Variants in ZNF483 observed in about 807,000 individuals in gnomAD.
ZNF483 encodes zinc finger protein HIT-10.
A neutral mutation model predicts 28.6 loss-of-function variants in ZNF483; 9 were observed. The ratio of observed to expected loss-of-function variants is 0.32; its 90% CI spans 0.19 to 0.55. ZNF483 has a LOEUF of 0.55. ZNF483 is among the 20% of genes least tolerant of loss of function. The pLI is 0.93. For missense variants in ZNF483, 675 were observed against 871.7 expected, an observed-to-expected ratio of 0.77 and a Z score of 2.84; for synonymous variants, 322 against 306.2, an observed-to-expected ratio of 1.05 and a Z score of -0.54.
At chr9:111,574,675 G>T in intron 5 of ZNF483, 2 of 1,193,166 alleles carry the variant, frequency 1.7e-6, no homozygotes, top group Non-Finnish European at 2.4e-6. Flanking sequence ...TGGCATATCT[G>T]TGAATTTTCT....
At chr9:111,555,487 A>C (rs1432842657), downstream of ZNF483, among the ~76,000 whole-genome samples, 1 of 152,172 alleles carries the variant, frequency 6.6e-6, no homozygotes, top group Non-Finnish European at 1.5e-5. Context: ...TATGTGTATT[A>C]GTCTGTTCTC....
intron 5 of ZNF483, chr9:111,574,323 A>G (rs1312050301): frequency 6.6e-6 from 1 of 152,216 alleles, no homozygotes; most frequent in Non-Finnish European, 1.5e-5. Flanking sequence ...GTGAAATTAT[A>G]TATATTTTTA....
At chr9:111,538,483 C>T (rs1342952065) in intron 5 of ZNF483, among the ~76,000 whole-genome samples, 1 of 142,068 alleles carries the variant, frequency 7.0e-6, no homozygotes, top group Non-Finnish European at 1.6e-5. Context: ...GAACAAGACC[C>T]CATCTCTTAG....
At position 111,527,339 on chromosome 9, in the gene ZNF483, A is replaced by G. The variant is rs1827206106; in HGVS notation, c.-57A>G. The G allele has an allele frequency of 6.4e-7, 1 of 1,559,376 alleles. No individual in the cohort carries two copies. ...GGCTGTGTATAGTGCCTGTTGGTGGACTGTACTGATACTCAACTAGAGTGT... is the reference window on the plus strand; with the variant it reads ...GGCTGTGTATAGTGCCTGTTGGTGGGCTGTACTGATACTCAACTAGAGTGT... On this transcript the variant is annotated 5_prime_UTR_variant, in exon 2 of 6. Coordinates refer to ENST00000309235, the MANE Select transcript of ZNF483 (RefSeq NM_133464.5).
At chr9:111,537,697 G>GCTCACTACAGCCTCCAC (rs1214898101) in intron 5 of ZNF483, among the ~76,000 whole-genome samples, 11 of 152,214 alleles carry the variant, frequency 7.2e-5, no homozygotes, top group African/African-American at 2.6e-4. Context: ...CATGATCACG[G>GCTCACTACAGCCTCCAC]CTCACTACAG....
rs1297676204 is a variant in ZNF483, at chr9:111,539,323, A to AT, written c.722-2331dup. 17 of 377,056 alleles carry AT rather than the reference A, an allele frequency of 4.5e-5. 1 individual carries two copies. Among genetic ancestry groups the AT allele is most frequent in the Non-Finnish European group, 6.9e-5 (13 of 188,502 alleles). 23.4% of individuals were successfully genotyped at this position (377,056 alleles called of 1,614,324 possible). Reference sequence around the variant, plus strand: ...TTTATTACGCATTAAATTTGCAAAGATTTAAAGAATATTTGACCAGAGATA... The same window carrying AT: ...TTTATTACGCATTAAATTTGCAAAGATTTTAAAGAATATTTGACCAGAGATA... On this transcript the variant is annotated intron_variant, in intron 5 of 5. Transcript: ENST00000309235.
rs758741779 is a variant in ZNF483, at chr9:111,533,849, G to A, written c.612G>A (p.Arg204=). 1.9e-5 allele frequency: 30 copies of A among 1,589,934 alleles called. No individual in the cohort carries two copies. Among genetic ancestry groups the A allele is most frequent in the Non-Finnish European group, 2.4e-5 (28 of 1,174,316 alleles). ...AGGAAGTGCTACTGGAAAACCTCAGGAACCTAGAATTTCTGGGTAAAGACA... is the reference window on the plus strand; with the variant it reads ...AGGAAGTGCTACTGGAAAACCTCAGAAACCTAGAATTTCTGGGTAAAGACA... The part of the protein sequence containing the change: ...LYKEVLLENL[R]NLEFLDFPVS... Residue 204 remains arginine, a synonymous_variant, in exon 4 of 6, where the codon AGG becomes AGA. Transcript: ENST00000309235.
rs537580792 is a variant in ZNF483, at chr9:111,548,212, A to G, written c.*5042A>G. Among the ~76,000 whole-genome samples, 3 of 152,280 alleles carry G rather than the reference A, an allele frequency of 2.0e-5. No homozygotes were observed. Among genetic ancestry groups the G allele is most frequent in the African/African-American group, 7.2e-5 (3 of 41,560 alleles). On this transcript the variant is annotated 3_prime_UTR_variant, in exon 6 of 6. Coordinates refer to ENST00000309235, the MANE Select transcript of ZNF483 (RefSeq NM_133464.5). ...AAAATGGCATGAAGATTGGGCTTGC[A>G]TTGAATTTGTAGATCGCTTTGGGTA...
rs201770414 is a variant in ZNF483, at chr9:111,564,588, G to A, written c.722-11777G>A. On this transcript the variant is annotated intron_variant, in intron 5 of 5. Transcript: ENST00000358151. Reference sequence around the variant, plus strand: ...CCCAAAGTGCTAGGATTACAGGCATGAGCCACTGCGCCTGGCTGAGATTTG... The same window carrying A: ...CCCAAAGTGCTAGGATTACAGGCATAAGCCACTGCGCCTGGCTGAGATTTG... Among the ~76,000 whole-genome samples, 4 of 151,992 alleles carry A rather than the reference G, an allele frequency of 2.6e-5. No homozygotes were observed. The East Asian group carries it at 7.8e-4, about 30-fold the overall frequency.
chr9:111,565,687 C>T (rs1828530839), intron 5 of ZNF483, among the ~76,000 whole-genome samples: 1 of 151,962 alleles, frequency 6.6e-6, no homozygotes, highest in South Asian at 2.1e-4. Context: ...CTGCACCCAG[C>T]TAATTTTTTA....
Position 111,550,225 on chromosome 9 carries a change from G to A in ZNF483, c.*7055G>A, listed in dbSNP as rs1827901377. On this transcript the variant is annotated 3_prime_UTR_variant, in exon 6 of 6. Transcript: ENST00000309235. ...CTTTCTGAATTCACCTAGATACACA[G>A]TTTTTTGAATGTCCAGAAAAACAGG... Among the ~76,000 whole-genome samples, 1 of 152,146 alleles carries A rather than the reference G, an allele frequency of 6.6e-6. No individual in the cohort carries two copies. Among genetic ancestry groups the A allele is most frequent in the Non-Finnish European group, 1.5e-5 (1 of 68,036 alleles).
At chr9:111,557,811 A>G (rs550642418), downstream of ZNF483, among the ~76,000 whole-genome samples, 4 of 152,168 alleles carry the variant, frequency 2.6e-5, no homozygotes, top group African/African-American at 9.6e-5. Context: ...CAACTTCTTT[A>G]CCCTTGGTAA....
downstream of ZNF483, among the ~76,000 whole-genome samples, chr9:111,557,446 T>A (rs1451615900): frequency 6.9e-6 from 1 of 145,370 alleles, no homozygotes; most frequent in Non-Finnish European, 1.5e-5. Context: ...TCATTATCTT[T>A]TTTTTGCTTT....
chr9:111,575,028 C>T (rs373807344), intron 5 of ZNF483, among the ~76,000 whole-genome samples: 34 of 152,298 alleles, frequency 2.2e-4, no homozygotes, highest in African/African-American at 7.0e-4. Context: ...CGGCCGGGCA[C>T]GGTGGCTTAC....
chr9:111,526,984 C>A (rs566969300), intron 1 of ZNF483, among the ~76,000 whole-genome samples: 24 of 152,082 alleles, frequency 1.6e-4, no homozygotes, highest in Admixed American at 1.3e-3. Flanking sequence ...CCTATAATCC[C>A]AGCTACTCAA....
chr9:111,574,694 A>G, intron 5 of ZNF483: 1 of 1,440,858 alleles, frequency 6.9e-7, no homozygotes, highest in South Asian at 1.2e-5. Flanking sequence ...CTCCTTGTCC[A>G]GCCTTGTGAC....
At chr9:111,555,776 C>T (rs1267648143), downstream of ZNF483, among the ~76,000 whole-genome samples, 1 of 152,194 alleles carries the variant, frequency 6.6e-6, no homozygotes, top group East Asian at 1.9e-4. Context: ...CCCATCACCT[C>T]CCACCAGGTC....
At chr9:111,535,713 T>G (rs1827476230) in intron 5 of ZNF483, among the ~76,000 whole-genome samples, 1 of 151,434 alleles carries the variant, frequency 6.6e-6, no homozygotes, top group African/African-American at 2.4e-5. Context: ...CAAGCTAATT[T>G]TTTTTGTATT....
chr9:111,561,131 A>AG, intron 5 of ZNF483, among the ~76,000 whole-genome samples: 1 of 58,966 alleles, frequency 1.7e-5, no homozygotes, highest in Non-Finnish European at 3.2e-5. Context: ...AGAGAGAGAG[A>AG]GAGAGAGGAG....
Sources: gnomAD v4.1 joint callset for allele counts (sites outside exome capture counted in the v4.1 genomes callset) on GRCh38, gnomAD v4.1.1 for gene constraint, MANE v1.5 for transcripts, NCBI Gene and HGNC (gene_info 2026-07-23, HGNC 2026-07-21) for gene names.